The following ZNRF2 variants were observed in gnomAD, a reference collection of about 807,000 sequenced individuals.
ZNRF2 encodes E3 ubiquitin-protein ligase ZNRF2.
ZNRF2 carries 16 observed loss-of-function variants against 20.4 expected under a neutral mutation model. The observed-to-expected ratio is 0.79, with a 90% CI of 0.53 to 1.19. ZNRF2 has a LOEUF of 1.19. Among genes scored for constraint, ZNRF2 ranks in the 50% most tolerant of loss-of-function variants. The probability of loss-of-function intolerance (pLI) is 0.00; values close to 1 mark genes in which losing one functional copy is unlikely to be tolerated. For missense variants in ZNRF2, 363 were observed against 332.4 expected (o/e 1.09, Z -0.72); for synonymous variants, 178 against 144.9 (o/e 1.23, Z -1.64).
chr7:30,327,926 C>G lies in ZNRF2; in HGVS notation c.565+4189C>G, dbSNP rs554069782. On this transcript the variant is annotated intron_variant, in intron 2 of 4. Coordinates refer to ENST00000323037, the MANE Select transcript of ZNRF2 (RefSeq NM_147128.4). ...AGTATGTATTAATTGTATAAACATT[C>G]ACAGCAAGAAGCAAATACAGCTTCT... is the stretch of plus-strand genomic sequence containing the variant. Among the ~76,000 whole-genome samples the G allele has an allele frequency of 7.9e-5, 12 of 152,142 alleles. No homozygotes were observed. The South Asian group carries it at 2.5e-3, about 32-fold the overall frequency.
At chr7:30,361,112 TA>T (rs1800119863) in intron 3 of ZNRF2, among the ~76,000 whole-genome samples, 2 of 152,190 alleles carry the variant, frequency 1.3e-5, no homozygotes, top group African/African-American at 4.8e-5. Flanking sequence ...AGCTCGCAAA[TA>T]GATACTATTC....
intron 2 of ZNRF2, among the ~76,000 whole-genome samples, chr7:30,333,042 G>A (rs1036223272): frequency 6.8e-6 from 1 of 148,036 alleles, no homozygotes; most frequent in African/African-American, 2.5e-5. Context: ...ACCAACCTCT[G>A]TTATATTTTG....
chr7:30,345,590 C>T (rs904192412), intron 2 of ZNRF2, among the ~76,000 whole-genome samples: 2 of 151,738 alleles, frequency 1.3e-5, no homozygotes, highest in African/African-American at 4.8e-5. Context: ...TTTTCTGGAT[C>T]AAGTTGCTTT....
At chr7:30,333,995 T>C (rs1799679309) in intron 2 of ZNRF2, among the ~76,000 whole-genome samples, 1 of 152,196 alleles carries the variant, frequency 6.6e-6, no homozygotes, top group Non-Finnish European at 1.5e-5. Context: ...CTCTTCAGTT[T>C]AATTAAGTCC....
At chr7:30,345,111 A>G (rs371741355) in intron 2 of ZNRF2, among the ~76,000 whole-genome samples, 1 of 152,060 alleles carries the variant, frequency 6.6e-6, no homozygotes, top group South Asian at 2.1e-4. Context: ...ATGTAGATCT[A>G]GATCTACTTT....
At chr7:30,355,409 C>G (rs935119582) in intron 2 of ZNRF2, among the ~76,000 whole-genome samples, 3 of 152,016 alleles carry the variant, frequency 2.0e-5, no homozygotes, top group Non-Finnish European at 2.9e-5. Flanking sequence ...AAAATAAATT[C>G]ATGGTACAAA....
At position 30,288,409 on chromosome 7, in the gene ZNRF2, T is replaced by C. The variant is rs754130119; in HGVS notation, c.469+2583T>C. On this transcript the variant is annotated intron_variant, in intron 1 of 4. Coordinates refer to ENST00000323037, the MANE Select transcript of ZNRF2 (RefSeq NM_147128.4). ...GTGGTACTAATAAGATTCAAAATTA[T>C]TCTCTTGTGAGCTCTCATGTAATTT... Among the ~76,000 whole-genome samples the C allele has an allele frequency of 3.3e-5, 5 of 152,238 alleles. No individual in the cohort carries two copies. The South Asian group carries it at 1.0e-3, about 31-fold the overall frequency.
intron 4 of ZNRF2, among the ~76,000 whole-genome samples, chr7:30,365,588 T>C (rs750807445): frequency 3.3e-5 from 5 of 152,172 alleles, no homozygotes; most frequent in Non-Finnish European, 5.9e-5. Flanking sequence ...GTATACCTTT[T>C]AATAGTCCTA....
intron 1 of ZNRF2, among the ~76,000 whole-genome samples, chr7:30,315,659 G>T (rs1162896141): frequency 7.4e-6 from 1 of 134,728 alleles, no homozygotes; most frequent in East Asian, 2.2e-4. Flanking sequence ...TACACAGTGT[G>T]AAACTTAAAA....
At chr7:30,326,286 C>G (rs1799551025) in intron 2 of ZNRF2, among the ~76,000 whole-genome samples, 1 of 152,118 alleles carries the variant, frequency 6.6e-6, no homozygotes, top group Non-Finnish European at 1.5e-5. Flanking sequence ...CTCCTTCCTC[C>G]TACTCTCCAC....
chr7:30,311,576 A>G (rs1050319440), intron 1 of ZNRF2, among the ~76,000 whole-genome samples: 2 of 152,178 alleles, frequency 1.3e-5, no homozygotes, highest in African/African-American at 4.8e-5. Context: ...CTAACTGCAG[A>G]TGTGTTAAGA....
chr7:30,357,007 A>G (rs1160084022), intron 3 of ZNRF2, among the ~76,000 whole-genome samples: 1 of 152,146 alleles, frequency 6.6e-6, no homozygotes, highest in Admixed American at 6.5e-5. Context: ...ATCTAATAAC[A>G]TCTCAAAATA....
Position 30,346,624 on chromosome 7 carries a change from A to T in ZNRF2, c.566-9104A>T, listed in dbSNP as rs532409547. On this transcript the variant is annotated intron_variant, in intron 2 of 4. Coordinates refer to ENST00000323037, the MANE Select transcript of ZNRF2 (RefSeq NM_147128.4). ...ATAATTTCTATTTTTGAAAGCCAGA[A>T]TTTTTTTGTTTTTTCACCGTACTCC... Among the ~76,000 whole-genome samples the T allele has an allele frequency of 5.9e-5, 9 of 152,092 alleles. 1 individual carries two copies. Among genetic ancestry groups the T allele is most frequent in the South Asian group, 2.1e-4 (1 of 4,822 alleles).
At chr7:30,298,127 C>A (rs1799047775) in intron 1 of ZNRF2, among the ~76,000 whole-genome samples, 1 of 151,882 alleles carries the variant, frequency 6.6e-6, no homozygotes, top group Non-Finnish European at 1.5e-5. Flanking sequence ...TTTCTGAGGT[C>A]TTTAAAAATA....
chr7:30,348,174 TAAAA>T (rs551400861), intron 2 of ZNRF2, among the ~76,000 whole-genome samples: 13 of 114,910 alleles, frequency 1.1e-4, no homozygotes, highest in Admixed American at 6.2e-4. Flanking sequence ...TTAAAAATGT[TAAAA>T]AAAAAAAAAA....
At chr7:30,321,010 G>A (rs566818072) in intron 1 of ZNRF2, among the ~76,000 whole-genome samples, 24 of 152,284 alleles carry the variant, frequency 1.6e-4, no homozygotes, top group Non-Finnish European at 2.9e-4. Flanking sequence ...TTTCTTAGTA[G>A]AGATGGAGGC....
At chr7:30,337,451 A>G (rs1799733218) in intron 2 of ZNRF2, among the ~76,000 whole-genome samples, 1 of 152,120 alleles carries the variant, frequency 6.6e-6, no homozygotes, top group South Asian at 2.1e-4. Context: ...TTTTTGTATC[A>G]GTTCCTTAAG....
intron 2 of ZNRF2, among the ~76,000 whole-genome samples, chr7:30,327,963 G>A (rs947942368): frequency 3.9e-5 from 6 of 152,078 alleles, no homozygotes; most frequent in African/African-American, 1.4e-4. Context: ...AATAAAAACC[G>A]TGTATAGTTT....
intron 3 of ZNRF2, among the ~76,000 whole-genome samples, chr7:30,359,704 C>T (rs1169835923): frequency 6.6e-6 from 1 of 152,174 alleles, no homozygotes; most frequent in Non-Finnish European, 1.5e-5. Flanking sequence ...CTTCATAACT[C>T]AGCAGTCTCA....
Sources: allele counts gnomAD v4.1 joint callset (sites outside exome capture counted in the v4.1 genomes callset), GRCh38; gene constraint gnomAD v4.1.1; transcripts MANE v1.5; gene names NCBI Gene and HGNC (gene_info 2026-07-23, HGNC 2026-07-21).